PIK3R3: variants seen among roughly 807,000 people sequenced by gnomAD.
The protein encoded by PIK3R3 is phosphoinositide-3-kinase regulatory subunit 3, also known as phosphatidylinositol 3-kinase regulatory subunit gamma.
In PIK3R3, 64 loss-of-function variants were observed where a neutral mutation model predicts 62.9. That is an observed-to-expected ratio of 1.02 (90% CI 0.83 to 1.25). The LOEUF (loss-of-function observed/expected upper bound fraction) is 1.25. PIK3R3 is among the 50% of genes most tolerant of loss of function. The pLI, the probability that PIK3R3 is intolerant of heterozygous loss-of-function variation, is 0.00. For missense variants in PIK3R3, 614 were observed against 561.6 expected (o/e 1.09, Z -0.94); for synonymous variants, 165 against 189.0 (o/e 0.87, Z 1.04).
chr1:46,050,861 T>C (rs930382015), intron 7 of PIK3R3, among the ~76,000 whole-genome samples: 10 of 152,232 alleles, frequency 6.6e-5, no homozygotes, highest in African/African-American at 9.6e-5. Context: ...CAACAGACTA[T>C]TATTTGGCCA....
At chr1:46,096,286 T>C (rs953146068) in intron 1 of PIK3R3, among the ~76,000 whole-genome samples, 3 of 152,258 alleles carry the variant, frequency 2.0e-5, no homozygotes, top group African/African-American at 7.2e-5. Flanking sequence ...ACTACCAAAG[T>C]AAAATCTCCT....
At chr1:46,058,514 A>T (rs954256094) in intron 6 of PIK3R3, among the ~76,000 whole-genome samples, 7 of 152,216 alleles carry the variant, frequency 4.6e-5, no homozygotes, top group Admixed American at 2.0e-4. Context: ...GTACCCTGCA[A>T]AGCCACAGGG....
rs1369078551 is a variant in PIK3R3 at position 46,120,306 on chromosome 1, G to A, written c.106+11541C>T. Among the ~76,000 whole-genome samples the A allele has an allele frequency of 3.9e-5, 6 of 152,174 alleles. No individual in the cohort carries two copies. The East Asian group carries it at 7.7e-4, about 20-fold the overall frequency. ...AGAAAATGAAAATGTGGCTGGGCGC[G>A]GTGGCTCACGCCTGTAATCCCAGCA... On this transcript the variant is annotated intron_variant, in intron 1 of 9. Transcript: ENST00000262741.
chr1:46,055,194 C>T (rs946837092), intron 7 of PIK3R3, among the ~76,000 whole-genome samples: 7 of 150,814 alleles, frequency 4.6e-5, no homozygotes, highest in South Asian at 2.1e-4. Flanking sequence ...CTGCAACCTC[C>T]GCCTCCAGGG....
chr1:46,115,949 A>T (rs1036286507), intron 1 of PIK3R3, among the ~76,000 whole-genome samples: 20 of 152,338 alleles, frequency 1.3e-4, no homozygotes, highest in African/African-American at 4.6e-4. Context: ...GAAGGGTTAC[A>T]AAAGAAACGC....
chr1:46,061,991 TTC>T lies in PIK3R3; in HGVS notation c.700_701del (p.Glu234ThrfsTer3). On this transcript the variant is annotated frameshift_variant, in exon 6 of 10. Transcript: ENST00000262741. LOFTEE classifies it high-confidence loss of function. Reference protein sequence around the residue: ...KIFEEQCHTQEQHSKEYIERF... With the variant: ...KIFEEQCHTQXQHSKEYIERF... ...GCTCAATATATTCTTTGCTATGTTG[TTC>T]TTGTGTGTGACACTGCTCTTCAAAT... 6.2e-7 allele frequency: 1 copy of T among 1,612,670 alleles called. No homozygotes were observed. Among genetic ancestry groups the T allele is most frequent in the Non-Finnish European group, 8.5e-7 (1 of 1,178,684 alleles).
chr1:46,173,298 C>A, the PIK3R3 span, among the ~76,000 whole-genome samples: 1 of 152,166 alleles, frequency 6.6e-6, no homozygotes, highest in Non-Finnish European at 1.5e-5. Flanking sequence ...GACCTCCTCA[C>A]GATTTAATGA....
chr1:46,124,357 A>G (rs1654910552), intron 1 of PIK3R3, among the ~76,000 whole-genome samples: 1 of 152,206 alleles, frequency 6.6e-6, no homozygotes, highest in East Asian at 1.9e-4. Flanking sequence ...TGTTCTTTCT[A>G]CTACACTCAG....
chr1:46,092,182 G>A (rs1334393840), intron 1 of PIK3R3, among the ~76,000 whole-genome samples: 1 of 152,140 alleles, frequency 6.6e-6, no homozygotes, highest in Non-Finnish European at 1.5e-5. Context: ...TTAATCAGCT[G>A]TATAACATCT....
At chr1:46,045,829 A>C (rs1647100921) in intron 9 of PIK3R3, 89 bp downstream of exon 9, 1 of 1,192,744 alleles carries the variant, frequency 8.4e-7, no homozygotes, top group Admixed American at 1.8e-5. Flanking sequence ...CTGTACATTA[A>C]CTAATTTCAT....
chr1:46,145,892 G>T, the PIK3R3 span, among the ~76,000 whole-genome samples: 4 of 152,170 alleles, frequency 2.6e-5, no homozygotes, highest in Non-Finnish European at 5.9e-5. Flanking sequence ...TTTGGGCAGA[G>T]AATTCCAGGA....
intron 1 of PIK3R3, among the ~76,000 whole-genome samples, chr1:46,126,347 G>A (rs1246613458): frequency 1.3e-5 from 2 of 151,574 alleles, no homozygotes; most frequent in East Asian, 3.9e-4. Flanking sequence ...AGACCAGCCT[G>A]GCCAACATGA....
chr1:46,088,155 C>CAGG (rs1651271303), intron 1 of PIK3R3, among the ~76,000 whole-genome samples: 1 of 152,158 alleles, frequency 6.6e-6, no homozygotes. Flanking sequence ...GAGGCCAAGA[C>CAGG]AGGAGTATTG....
chr1:46,166,805 A>G, the PIK3R3 span, among the ~76,000 whole-genome samples: 23 of 152,338 alleles, frequency 1.5e-4, no homozygotes, highest in Non-Finnish European at 3.4e-4. Context: ...CTTTCCGGAT[A>G]GGGGACGTGG....
At chr1:46,093,432 G>C (rs1651822776) in intron 1 of PIK3R3, among the ~76,000 whole-genome samples, 1 of 151,990 alleles carries the variant, frequency 6.6e-6, no homozygotes, top group Non-Finnish European at 1.5e-5. Flanking sequence ...TCTCACATTT[G>C]CTTTCTAAAA....
chr1:46,124,062 TG>T (rs975523178), intron 1 of PIK3R3, among the ~76,000 whole-genome samples: 1 of 152,086 alleles, frequency 6.6e-6, no homozygotes, highest in African/African-American at 2.4e-5. Context: ...AAGAAAAGAA[TG>T]GGGCAAAATA....
rs1357932769 is a variant in PIK3R3, at chr1:46,040,596, TG to T, written c.*3076del. ...TGGACCCTCTGGTTTCTGAGGCCAC[TG>T]AAGCCTCACAGAGGCCTACTCTGGG... On this transcript the variant is annotated 3_prime_UTR_variant, in exon 10 of 10. Transcript: ENST00000262741. 2 of 223,682 alleles carry T rather than the reference TG, an allele frequency of 8.9e-6. No individual in the cohort carries two copies. The highest frequency in any genetic ancestry group is 1.8e-5 in the Non-Finnish European group (2 of 112,006). 13.9% of individuals were successfully genotyped at this position (223,682 alleles called of 1,614,324 possible).
In PIK3R3 at chr1:46,132,002, T is replaced by C; in HGVS notation, c.-50A>G. On this transcript the variant is annotated 5_prime_UTR_variant, in exon 1 of 10. Coordinates refer to ENST00000262741, the MANE Select transcript of PIK3R3 (RefSeq NM_003629.4). ...GGAGATATATAGAAGGCATATATTT[T>C]TTATCTGGTATTTAAAAATCTAAAA... 1.3e-6 allele frequency: 2 copies of C among 1,588,274 alleles called. No individual in the cohort carries two copies. The highest frequency in any genetic ancestry group is 1.7e-6 in the Non-Finnish European group (2 of 1,172,118).
the PIK3R3 span, among the ~76,000 whole-genome samples, chr1:46,167,300 T>A: frequency 2.0e-5 from 3 of 152,180 alleles, no homozygotes; most frequent in Non-Finnish European, 4.4e-5. Context: ...GCTCTGGATG[T>A]CCCCATCCCT....
Sources: gnomAD v4.1 joint callset for allele counts (sites outside exome capture counted in the v4.1 genomes callset) on GRCh38, gnomAD v4.1.1 for gene constraint, MANE v1.5 for transcripts, NCBI Gene and HGNC (gene_info 2026-07-23, HGNC 2026-07-21) for gene names.